PDE1A: variants seen among roughly 807,000 people sequenced by gnomAD.
PDE1A encodes the protein dual specificity calcium/calmodulin-dependent 3',5'-cyclic nucleotide phosphodiesterase 1A.
A neutral mutation model predicts 61.7 loss-of-function variants in PDE1A; 35 were observed. The observed-to-expected ratio is 0.57, with a 90% CI of 0.43 to 0.75. The LOEUF (loss-of-function observed/expected upper bound fraction) is 0.75. Among genes scored for constraint, PDE1A ranks in the 30% least tolerant of loss-of-function variants. The pLI is 0.00. For synonymous variants in PDE1A, 232 were observed against 213.2 expected, an observed-to-expected ratio of 1.09 and a Z score of -0.77; for missense variants, 597 against 630.6, an observed-to-expected ratio of 0.95 and a Z score of 0.57.
chr2:182,325,449 C>T (rs1443160624), intron 1 of PDE1A, among the ~76,000 whole-genome samples: 1 of 151,620 alleles, frequency 6.6e-6, no homozygotes, highest in African/African-American at 2.4e-5. Context: ...GGTAATGAAA[C>T]AAAACAATGG....
chr2:182,217,003 C>CCTGA (rs1386352849), intron 7 of PDE1A, among the ~76,000 whole-genome samples: 122 of 21,400 alleles, frequency 5.7e-3, no homozygotes, highest in African/African-American at 0.023. Flanking sequence ...CATCACACTA[C>CCTGA]CTGACTTCAA....
At chr2:182,555,298 T>G in the PDE1A span, among the ~76,000 whole-genome samples, 1 of 152,224 alleles carries the variant, frequency 6.6e-6, no homozygotes, top group Non-Finnish European at 1.5e-5. Flanking sequence ...TGTCGGTGAA[T>G]GTTTTTGTCA....
At chr2:182,281,253 G>C (rs982193657) in intron 1 of PDE1A, among the ~76,000 whole-genome samples, 2 of 151,840 alleles carry the variant, frequency 1.3e-5, no homozygotes, top group African/African-American at 4.8e-5. Context: ...ATTCTGTCAA[G>C]TTCTATAACA....
chr2:182,571,408 C>T, the PDE1A span, among the ~76,000 whole-genome samples: 2 of 152,030 alleles, frequency 1.3e-5, no homozygotes, highest in Admixed American at 6.6e-5. Context: ...AAAATGATTA[C>T]CACAAACTTT....
chr2:182,364,492 A>AAAAAAAAAAAAAAAAAC (rs1559379282), intron 1 of PDE1A, among the ~76,000 whole-genome samples: 1 of 145,048 alleles, frequency 6.9e-6, no homozygotes, highest in Non-Finnish European at 1.5e-5. Context: ...AAAAAAAAAA[A>AAAAAAAAAAAAAAAAAC]AAAAAAACCT....
the PDE1A span, among the ~76,000 whole-genome samples, chr2:182,673,725 T>C: frequency 4.6e-5 from 7 of 151,884 alleles, no homozygotes; most frequent in Non-Finnish European, 1.0e-4. Flanking sequence ...TTGCCTTAAA[T>C]ATGTTGCTTA....
chr2:182,502,775 C>G (rs1333595194), intron 2 of PDE1A, among the ~76,000 whole-genome samples: 2 of 152,148 alleles, frequency 1.3e-5, no homozygotes, highest in East Asian at 3.9e-4. Context: ...CATCTGACAG[C>G]AAAACCTGAC....
intron 1 of PDE1A, among the ~76,000 whole-genome samples, chr2:182,392,088 C>T (rs937690344): frequency 1.3e-5 from 2 of 152,090 alleles, no homozygotes; most frequent in Non-Finnish European, 2.9e-5. Flanking sequence ...AGGGAGACAT[C>T]CAGCCTTTTA....
chr2:182,628,129 C>T, the PDE1A span, among the ~76,000 whole-genome samples: 1 of 152,066 alleles, frequency 6.6e-6, no homozygotes, highest in Non-Finnish European at 1.5e-5. Context: ...AAGCAACTAA[C>T]TGACTTCAGA....
chr2:182,369,263 A>G (rs1222035128), intron 1 of PDE1A, among the ~76,000 whole-genome samples: 1 of 152,208 alleles, frequency 6.6e-6, no homozygotes, highest in African/African-American at 2.4e-5. Flanking sequence ...TCACAAGCCC[A>G]TGCAGTGTAC....
At chr2:182,472,198 A>G (rs541060580) in intron 2 of PDE1A, among the ~76,000 whole-genome samples, 1 of 152,060 alleles carries the variant, frequency 6.6e-6, no homozygotes, top group East Asian at 1.9e-4. Context: ...CAGCAGTCTC[A>G]CTACTTGGTA....
At chr2:182,454,443 A>G (rs1369299811) in intron 2 of PDE1A, among the ~76,000 whole-genome samples, 3 of 152,142 alleles carry the variant, frequency 2.0e-5, no homozygotes. Flanking sequence ...GGAACCAAAA[A>G]AGAGCCCGCA....
chr2:182,295,055 A>ATTTTTT (rs1559306033), intron 1 of PDE1A, among the ~76,000 whole-genome samples: 2 of 76,772 alleles, frequency 2.6e-5, no homozygotes, highest in African/African-American at 4.3e-5. Flanking sequence ...ATAAAAGGTA[A>ATTTTTT]TCTTTTTTTT....
At chr2:182,458,749 A>G (rs1263791384) in intron 2 of PDE1A, among the ~76,000 whole-genome samples, 6 of 152,074 alleles carry the variant, frequency 3.9e-5, no homozygotes, top group Admixed American at 3.9e-4. Flanking sequence ...TTCTTAACAA[A>G]GCAAAATGTG....
At chr2:182,375,118 A>G (rs914281308) in intron 1 of PDE1A, among the ~76,000 whole-genome samples, 1 of 152,186 alleles carries the variant, frequency 6.6e-6, no homozygotes, top group African/African-American at 2.4e-5. Context: ...ATTTGAGATG[A>G]GATTTGGGTG....
At chr2:182,371,690 C>T (rs138357018) in intron 1 of PDE1A, among the ~76,000 whole-genome samples, 8 of 152,276 alleles carry the variant, frequency 5.3e-5, no homozygotes, top group African/African-American at 1.9e-4. Flanking sequence ...TTAGGTGTTC[C>T]TAACACATAG....
chr2:182,712,424 G>C, the PDE1A span, among the ~76,000 whole-genome samples: 6 of 152,180 alleles, frequency 3.9e-5, no homozygotes, highest in South Asian at 4.1e-4. Flanking sequence ...GAATGTCCTT[G>C]TTTGTTAAAA....
At chr2:182,456,884 G>A (rs989891671) in intron 2 of PDE1A, among the ~76,000 whole-genome samples, 4 of 152,006 alleles carry the variant, frequency 2.6e-5, no homozygotes, top group East Asian at 3.9e-4. Flanking sequence ...AATGTCTGGT[G>A]AGGAATTTAA....
chr2:182,606,843 A>AAG, the PDE1A span, among the ~76,000 whole-genome samples: 49 of 152,292 alleles, frequency 3.2e-4, no homozygotes, highest in Middle Eastern at 6.8e-3. Context: ...AGGAAAAGGG[A>AAG]AGAGCAAGTA....
Sources: allele counts gnomAD v4.1 joint callset (sites outside exome capture counted in the v4.1 genomes callset), GRCh38; gene constraint gnomAD v4.1.1; transcripts MANE v1.5; gene names NCBI Gene and HGNC (gene_info 2026-07-23, HGNC 2026-07-21).